The following GPM6A variants were observed in gnomAD, a reference collection of about 807,000 sequenced individuals.
GPM6A encodes glycoprotein M6A, also known as neuronal membrane glycoprotein M6-a.
Under a neutral mutation model 32.1 loss-of-function variants are expected in GPM6A, and 7 were observed. The ratio of observed to expected loss-of-function variants is 0.22; its 90% CI spans 0.12 to 0.41. The LOEUF (loss-of-function observed/expected upper bound fraction) is 0.41. Ranked by LOEUF, GPM6A falls within the 10% of genes least tolerant of loss-of-function variation. GPM6A has a pLI of 1.00. For synonymous variants in GPM6A, 130 were observed against 123.4 expected (o/e 1.05, Z -0.35); for missense variants, 235 against 347.2 (o/e 0.68, Z 2.57).
At chr4:175,838,668 T>C (rs1347486714) in intron 1 of GPM6A, among the ~76,000 whole-genome samples, 2 of 141,428 alleles carry the variant, frequency 1.4e-5, no homozygotes, top group Non-Finnish European at 3.1e-5. Context: ...TTTTTTTTTT[T>C]TTTTGAGACA....
chr4:175,941,404 T>G (rs1739400681), intron 1 of GPM6A, among the ~76,000 whole-genome samples: 1 of 151,050 alleles, frequency 6.6e-6, no homozygotes, highest in South Asian at 2.1e-4. Flanking sequence ...TTTAAAAAAA[T>G]TATACTTTAA....
At chr4:175,883,585 C>G (rs1737350102) in intron 1 of GPM6A, among the ~76,000 whole-genome samples, 1 of 152,048 alleles carries the variant, frequency 6.6e-6, no homozygotes, top group Admixed American at 6.5e-5. Context: ...GATGCATCTT[C>G]CCAAGTTATT....
chr4:175,825,459 C>T (rs548250452), intron 1 of GPM6A, among the ~76,000 whole-genome samples: 3 of 152,214 alleles, frequency 2.0e-5, no homozygotes, highest in African/African-American at 7.2e-5. Flanking sequence ...ACTGGGTCCT[C>T]GCTCCCATGG....
At chr4:175,996,850 TTC>T (rs1226160326) in intron 1 of GPM6A, among the ~76,000 whole-genome samples, 2 of 152,158 alleles carry the variant, frequency 1.3e-5, no homozygotes, top group Non-Finnish European at 2.9e-5. Context: ...TACCCTCAAT[TTC>T]TCCTTTCCTC....
intron 3 of GPM6A, among the ~76,000 whole-genome samples, chr4:175,655,537 A>T (rs1742031087): frequency 6.6e-6 from 1 of 152,088 alleles, no homozygotes; most frequent in Non-Finnish European, 1.5e-5. Flanking sequence ...TGTTAAATAA[A>T]TTAATAAGCT....
chr4:175,745,956 A>G (rs1051480568), intron 1 of GPM6A, among the ~76,000 whole-genome samples: 7 of 152,164 alleles, frequency 4.6e-5, no homozygotes, highest in African/African-American at 1.7e-4. Flanking sequence ...AAGCTGGGAC[A>G]AGGCTTGAGG....
chr4:175,671,984 G>GAAAAAAAAA (rs773227963), intron 3 of GPM6A, among the ~76,000 whole-genome samples: 1 of 109,690 alleles, frequency 9.1e-6, no homozygotes, highest in Non-Finnish European at 2.0e-5. Context: ...TACCATTATA[G>GAAAAAAAAA]AAAAAAAAAA....
intron 1 of GPM6A, among the ~76,000 whole-genome samples, chr4:175,748,697 C>A (rs1732201212): frequency 6.6e-6 from 1 of 152,188 alleles, no homozygotes; most frequent in African/African-American, 2.4e-5. Context: ...TTACCAGCTG[C>A]ATTAGTCCCT....
intron 1 of GPM6A, among the ~76,000 whole-genome samples, chr4:175,976,691 A>C (rs1298315939): frequency 1.3e-5 from 2 of 152,108 alleles, no homozygotes; most frequent in East Asian, 3.9e-4. Flanking sequence ...CACTAATAGA[A>C]AGCTCCATTG....
chr4:175,771,300 C>G (rs1257960951), intron 1 of GPM6A, among the ~76,000 whole-genome samples: 2 of 152,104 alleles, frequency 1.3e-5, no homozygotes, highest in Non-Finnish European at 2.9e-5. Flanking sequence ...TGGCCAGGCG[C>G]GGTGGCTGTT....
intron 1 of GPM6A, among the ~76,000 whole-genome samples, chr4:175,771,390 G>A (rs1733182367): frequency 6.6e-6 from 1 of 151,910 alleles, no homozygotes; most frequent in Admixed American, 6.6e-5. Flanking sequence ...TGGCCAACAT[G>A]GCGAAACCCT....
chr4:175,872,141 G>A (rs931528055), intron 1 of GPM6A, among the ~76,000 whole-genome samples: 3 of 152,032 alleles, frequency 2.0e-5, no homozygotes, highest in African/African-American at 7.3e-5. Context: ...ATCAATACTA[G>A]AAGTAACATG....
intron 1 of GPM6A, among the ~76,000 whole-genome samples, chr4:175,948,401 G>A (rs1054967319): frequency 1.6e-4 from 25 of 152,170 alleles, no homozygotes; most frequent in African/African-American, 5.1e-4. Flanking sequence ...GCCGGGAGGA[G>A]GGCCCTCGCT....
chr4:175,765,780 T>C (rs1732939552), intron 1 of GPM6A, among the ~76,000 whole-genome samples: 1 of 152,174 alleles, frequency 6.6e-6, no homozygotes, highest in African/African-American at 2.4e-5. Context: ...CAAATTCACT[T>C]CCTGGCTCTC....
chr4:175,637,426 TTA>T (rs1400160127), intron 6 of GPM6A, among the ~76,000 whole-genome samples: 1 of 84,906 alleles, frequency 1.2e-5, no homozygotes, highest in African/African-American at 4.6e-5. Context: ...AAATGTATAA[TTA>T]TATATATAAA....
intron 1 of GPM6A, among the ~76,000 whole-genome samples, chr4:175,941,769 T>G (rs1446420102): frequency 6.6e-6 from 1 of 152,236 alleles, no homozygotes; most frequent in Non-Finnish European, 1.5e-5. Context: ...CACATTTTCT[T>G]TATCCAGTCT....
At chr4:175,859,055 C>A (rs1272012852) in intron 1 of GPM6A, among the ~76,000 whole-genome samples, 2 of 151,936 alleles carry the variant, frequency 1.3e-5, no homozygotes, top group Non-Finnish European at 2.9e-5. Flanking sequence ...TTAGTGATTG[C>A]CTGGGGATGG....
intron 1 of GPM6A, among the ~76,000 whole-genome samples, chr4:175,838,812 C>A (rs934918352): frequency 1.3e-5 from 2 of 151,814 alleles, no homozygotes; most frequent in Non-Finnish European, 2.9e-5. Flanking sequence ...CAACACCACA[C>A]CCGGCTAATT....
chr4:175,998,561 C>A (rs899276492), intron 1 of GPM6A, among the ~76,000 whole-genome samples: 1 of 152,170 alleles, frequency 6.6e-6, no homozygotes, highest in Non-Finnish European at 1.5e-5. Context: ...TATCAAGGAA[C>A]CCACTGCTTC....
Sources: allele counts gnomAD v4.1 joint callset (sites outside exome capture counted in the v4.1 genomes callset), GRCh38; gene constraint gnomAD v4.1.1; transcripts MANE v1.5; gene names NCBI Gene and HGNC (gene_info 2026-07-23, HGNC 2026-07-21).